GAP43: variants seen among roughly 807,000 people sequenced by gnomAD.
GAP43 encodes growth associated protein 43.
In GAP43, 6 loss-of-function variants were observed where a neutral mutation model predicts 18.6. The observed-to-expected ratio is 0.32, with a 90% CI of 0.18 to 0.64. GAP43 has a LOEUF of 0.64. Ranked by LOEUF, GAP43 falls within the 30% of genes least tolerant of loss-of-function variation. The pLI, the probability that GAP43 is intolerant of heterozygous loss-of-function variation, is 0.78. For synonymous variants in GAP43, 115 were observed against 111.4 expected (o/e 1.03, Z -0.20); for missense variants, 292 against 295.5 (o/e 0.99, Z 0.09).
At chr3:115,669,595 T>A (rs1190226860) in intron 1 of GAP43, among the ~76,000 whole-genome samples, 1 of 152,178 alleles carries the variant, frequency 6.6e-6, no homozygotes, top group Non-Finnish European at 1.5e-5. Flanking sequence ...TGGGACATAA[T>A]AGGGTTATAG....
intron 2 of GAP43, among the ~76,000 whole-genome samples, chr3:115,702,412 C>A (rs899522140): frequency 2.6e-5 from 4 of 151,462 alleles, no homozygotes; most frequent in Non-Finnish European, 5.9e-5. Context: ...TGTTAGGGGA[C>A]AGAAAGAAAA....
intron 2 of GAP43, among the ~76,000 whole-genome samples, chr3:115,708,153 G>A (rs1319454419): frequency 1.3e-5 from 2 of 152,152 alleles, no homozygotes; most frequent in African/African-American, 2.4e-5. Flanking sequence ...ACCAACAAAT[G>A]TATACTTTTC....
At chr3:115,655,789 C>T (rs1708572268) in intron 1 of GAP43, among the ~76,000 whole-genome samples, 2 of 152,170 alleles carry the variant, frequency 1.3e-5, no homozygotes, top group South Asian at 2.1e-4. Context: ...GCTTCTGGGA[C>T]AGAAAAGTAT....
At chr3:115,655,173 C>T (rs1356361574) in intron 1 of GAP43, among the ~76,000 whole-genome samples, 1 of 152,150 alleles carries the variant, frequency 6.6e-6, no homozygotes, top group Non-Finnish European at 1.5e-5. Context: ...TTTAGTGAGG[C>T]CAGGTTGCAT....
chr3:115,630,067 C>A (rs79629165), intron 1 of GAP43, among the ~76,000 whole-genome samples: 1 of 152,120 alleles, frequency 6.6e-6, no homozygotes, highest in African/African-American at 2.4e-5. Context: ...TACAGCCCCA[C>A]CCTCTCTGGT....
At chr3:115,681,680 TA>T (rs1381795899) in intron 2 of GAP43, among the ~76,000 whole-genome samples, 4 of 152,216 alleles carry the variant, frequency 2.6e-5, no homozygotes, top group Admixed American at 6.5e-5. Context: ...AGTTAACATA[TA>T]AAAGTCTAAT....
At chr3:115,635,593 T>C (rs886554411) in intron 1 of GAP43, among the ~76,000 whole-genome samples, 2 of 151,978 alleles carry the variant, frequency 1.3e-5, no homozygotes, top group African/African-American at 4.8e-5. Context: ...AAAACTGTCA[T>C]GGGATCGTTA....
intron 1 of GAP43, among the ~76,000 whole-genome samples, chr3:115,624,530 G>A (rs1305919805): frequency 6.6e-6 from 1 of 152,060 alleles, no homozygotes; most frequent in African/African-American, 2.4e-5. Flanking sequence ...TCTTTCCTGG[G>A]ATTGTCAGTG....
At chr3:115,639,092 A>G (rs906466168) in intron 1 of GAP43, among the ~76,000 whole-genome samples, 2 of 152,110 alleles carry the variant, frequency 1.3e-5, no homozygotes, top group African/African-American at 2.4e-5. Flanking sequence ...AGTGAGTAGT[A>G]TGAGATGGCA....
In GAP43 at chr3:115,647,734, CA is replaced by C. The variant is rs1708473564; in HGVS notation, c.30+24020del. ...AAACCATAGCCAACAAAAACAAAAA[CA>C]AAAACAAAACAAAACAAAAAAACAA... On this transcript the variant is annotated intron_variant, in intron 1 of 2. Transcript: ENST00000305124. 4.4e-5 allele frequency among the ~76,000 whole-genome samples: 5 copies of C among 112,590 alleles called. 1 individual carries two copies. Among genetic ancestry groups the C allele is most frequent in the Admixed American group, 3.1e-4 (3 of 9,834 alleles). 73.9% of individuals were successfully genotyped at this position (112,590 alleles called of 152,430 possible).
chr3:115,637,119 A>C (rs1349556466), intron 1 of GAP43, among the ~76,000 whole-genome samples: 1 of 152,068 alleles, frequency 6.6e-6, no homozygotes, highest in African/African-American at 2.4e-5. Context: ...TGACTAACAC[A>C]GTTCTCCATG....
intron 1 of GAP43, among the ~76,000 whole-genome samples, chr3:115,648,713 T>A (rs921600303): frequency 6.6e-6 from 1 of 151,892 alleles, no homozygotes; most frequent in Non-Finnish European, 1.5e-5. Context: ...TGAGGAAGGG[T>A]TAGAAAGAAA....
At chr3:115,704,685 T>C (rs1275773209) in intron 2 of GAP43, among the ~76,000 whole-genome samples, 1 of 151,994 alleles carries the variant, frequency 6.6e-6, no homozygotes, top group Non-Finnish European at 1.5e-5. Context: ...ATACAGTACA[T>C]TTAGGACTCT....
At chr3:115,675,833 A>G (rs528333479) in intron 1 of GAP43, among the ~76,000 whole-genome samples, 180 bp from the exon 2 acceptor site, 18 of 151,884 alleles carry the variant, frequency 1.2e-4, no homozygotes, top group Non-Finnish European at 2.4e-4. Context: ...CTTTTCCCAT[A>G]CAATACTGTG....
intron 1 of GAP43, among the ~76,000 whole-genome samples, chr3:115,668,784 A>C (rs1184323608): frequency 1.3e-5 from 2 of 152,058 alleles, no homozygotes; most frequent in Non-Finnish European, 2.9e-5. Flanking sequence ...TCACACTGTA[A>C]TCCCAGCACT....
At chr3:115,715,323 C>T (rs67641513) in intron 2 of GAP43, among the ~76,000 whole-genome samples, 13,355 of 152,212 alleles carry the variant, frequency 0.088, 703 homozygotes, top group South Asian at 0.16. Context: ...GCATATTCTA[C>T]GCTTCGCCTT....
intron 2 of GAP43, among the ~76,000 whole-genome samples, chr3:115,694,101 G>A (rs776929823): frequency 3.3e-5 from 5 of 152,116 alleles, no homozygotes; most frequent in South Asian, 2.1e-4. Context: ...ATTTGTCCCC[G>A]TCACTTGCAG....
intron 2 of GAP43, among the ~76,000 whole-genome samples, chr3:115,704,830 T>C (rs1304713054): frequency 6.6e-6 from 1 of 152,124 alleles, no homozygotes; most frequent in Admixed American, 6.5e-5. Context: ...ACTCTTCATC[T>C]TTAGCTTTTC....
rs142116337 is a variant in GAP43, at chr3:115,676,279, T to A, written c.297T>A (p.Asp99Glu). ...EAAPATGSKP[D>E]EPGKAGETPS... is the part of the protein sequence containing the mutation. Reference sequence around the variant, plus strand: ...CCCCAGCCACTGGCTCCAAGCCTGATGAGCCCGGCAAAGCAGGAGAAACTC... The same window carrying A: ...CCCCAGCCACTGGCTCCAAGCCTGAAGAGCCCGGCAAAGCAGGAGAAACTC... The change falls in exon 2 of 3, where the codon GAT becomes GAA. Residue 99 changes from aspartate to glutamate, a missense_variant. Coordinates refer to ENST00000305124, the MANE Select transcript of GAP43 (RefSeq NM_002045.4). 4 of 1,614,006 alleles carry A rather than the reference T, an allele frequency of 2.5e-6. No homozygotes were observed. In the African/African-American group the frequency reaches 5.3e-5, roughly 22 times the overall value.
Sources: gnomAD v4.1 joint callset for allele counts (sites outside exome capture counted in the v4.1 genomes callset) on GRCh38, gnomAD v4.1.1 for gene constraint, MANE v1.5 for transcripts, NCBI Gene and HGNC (gene_info 2026-07-23, HGNC 2026-07-21) for gene names.